The following ADK variants were observed in gnomAD, a reference collection of about 807,000 sequenced individuals.
ADK encodes the protein N6,N6-dimethyladenosine kinase.
Under a neutral mutation model 44.7 loss-of-function variants are expected in ADK, and 24 were observed. The observed-to-expected ratio is 0.54, with a 90% CI of 0.39 to 0.76. The LOEUF (loss-of-function observed/expected upper bound fraction) is 0.76. Ranked by LOEUF, ADK falls within the 30% of genes least tolerant of loss-of-function variation. The pLI, the probability that ADK is intolerant of heterozygous loss-of-function variation, is 0.00. For synonymous variants in ADK, 128 were observed against 142.6 expected, an observed-to-expected ratio of 0.90 and a Z score of 0.73; for missense variants, 321 against 425.1, an observed-to-expected ratio of 0.76 and a Z score of 2.15.
At chr10:74,152,292 T>G (rs929494235) in intron 1 of ADK, among the ~76,000 whole-genome samples, 5 of 152,178 alleles carry the variant, frequency 3.3e-5, no homozygotes, top group African/African-American at 1.2e-4. Context: ...GAATGGAGGG[T>G]GAACAAATCC....
intron 4 of ADK, chr10:74,344,415 T>A (rs373219751): frequency 6.4e-6 from 1 of 156,134 alleles, no homozygotes; most frequent in East Asian, 1.9e-4. Context: ...CACTGGTTTC[T>A]CCAGTGGTTT....
chr10:74,236,788 T>C (rs1844976765), intron 3 of ADK, among the ~76,000 whole-genome samples: 1 of 152,230 alleles, frequency 6.6e-6, no homozygotes. Context: ...CACACTGTAA[T>C]CTATTGTATA....
chr10:74,294,037 T>C (rs1839724837), intron 3 of ADK, among the ~76,000 whole-genome samples: 1 of 152,220 alleles, frequency 6.6e-6, no homozygotes, highest in South Asian at 2.1e-4. Context: ...TAGTGTGTAC[T>C]TTTTGTCTCT....
chr10:74,566,691 T>A (rs16931525), intron 7 of ADK, among the ~76,000 whole-genome samples: 5 of 152,230 alleles, frequency 3.3e-5, no homozygotes, highest in African/African-American at 1.2e-4. Context: ...CTAGTGATGA[T>A]TCACATTTTC....
At chr10:74,318,962 A>G (rs893220003) in intron 4 of ADK, among the ~76,000 whole-genome samples, 1 of 152,082 alleles carries the variant, frequency 6.6e-6, no homozygotes, top group Non-Finnish European at 1.5e-5. Flanking sequence ...GGCTTGATGC[A>G]TCAGAGGTAT....
chr10:74,459,347 T>A (rs569975152), intron 6 of ADK, among the ~76,000 whole-genome samples: 1 of 152,186 alleles, frequency 6.6e-6, no homozygotes, highest in Admixed American at 6.5e-5. Flanking sequence ...TTAACAGATT[T>A]CTTTAATGTG....
chr10:74,188,323 A>C (rs932632257), intron 1 of ADK, among the ~76,000 whole-genome samples: 1 of 108,012 alleles, frequency 9.3e-6, no homozygotes, highest in East Asian at 2.3e-4. Context: ...TTGAATTTCT[A>C]TTTTGGACAT....
In ADK at chr10:74,170,311, T is replaced by G. The variant is rs1299168698; in HGVS notation, c.65+18968T>G. Among the ~76,000 whole-genome samples the G allele has an allele frequency of 2.0e-5, 3 of 152,306 alleles. No individual in the cohort carries two copies. In the East Asian group the frequency reaches 5.8e-4, roughly 29 times the overall value. On this transcript the variant is annotated intron_variant, in intron 1 of 10. Transcript: ENST00000539909. The stretch of plus-strand genomic sequence containing the variant: ...TCATGAGGACACCTTATTTTTGTTA[T>G]TCCTGTCTTAAAGAATCTTTATACA...
chr10:74,692,969 A>G (rs1285415773), intron 10 of ADK, among the ~76,000 whole-genome samples: 1 of 152,202 alleles, frequency 6.6e-6, no homozygotes, highest in Non-Finnish European at 1.5e-5. Context: ...TAAAAAAGTC[A>G]GTAGCTACCA....
chr10:74,296,916 T>A (rs976520911), intron 3 of ADK, among the ~76,000 whole-genome samples: 2 of 152,056 alleles, frequency 1.3e-5, no homozygotes, highest in Admixed American at 1.3e-4. Flanking sequence ...GCCCGGCCCT[T>A]AAGTATTCTT....
intron 3 of ADK, among the ~76,000 whole-genome samples, chr10:74,287,104 T>A (rs1205307520): frequency 6.6e-6 from 1 of 152,186 alleles, no homozygotes; most frequent in East Asian, 1.9e-4. Context: ...TAATTTATCC[T>A]GAAGTTCAAG....
At chr10:74,230,162 A>G (rs965578490) in intron 3 of ADK, among the ~76,000 whole-genome samples, 2 of 147,032 alleles carry the variant, frequency 1.4e-5, no homozygotes, top group African/African-American at 5.2e-5. Flanking sequence ...ACCGACAGCA[A>G]GGTTAAATGC....
chr10:74,476,140 C>T (rs1846827891), intron 6 of ADK, among the ~76,000 whole-genome samples: 3 of 152,090 alleles, frequency 2.0e-5, no homozygotes, highest in Admixed American at 2.0e-4. Context: ...AGAAAGCTGG[C>T]TCTGATTATT....
intron 6 of ADK, among the ~76,000 whole-genome samples, chr10:74,510,372 CTGTT>C (rs2133514468): frequency 6.6e-6 from 1 of 152,154 alleles, no homozygotes; most frequent in African/African-American, 2.4e-5. Flanking sequence ...TGAGAAATGT[CTGTT>C]CAGATCATTT....
intron 3 of ADK, among the ~76,000 whole-genome samples, chr10:74,310,690 A>G (rs993225386): frequency 1.3e-5 from 2 of 152,168 alleles, no homozygotes; most frequent in Non-Finnish European, 2.9e-5. Context: ...AATAATTTCT[A>G]GTAGCCTTCA....
At chr10:74,286,598 TGAC>T (rs933230125) in intron 3 of ADK, among the ~76,000 whole-genome samples, 3 of 152,218 alleles carry the variant, frequency 2.0e-5, no homozygotes, top group Admixed American at 2.0e-4. Context: ...TCTCTAGTAT[TGAC>T]AACAAGCTGA....
At chr10:74,686,981 T>C (rs1855818580) in intron 10 of ADK, among the ~76,000 whole-genome samples, 1 of 152,190 alleles carries the variant, frequency 6.6e-6, no homozygotes, top group South Asian at 2.1e-4. Flanking sequence ...TGGCCGTTAC[T>C]TAACATCTCT....
At chr10:74,364,690 GTGT>G (rs1842444666) in intron 4 of ADK, among the ~76,000 whole-genome samples, 8 of 5,598 alleles carry the variant, frequency 1.4e-3, no homozygotes, top group African/African-American at 3.7e-3. Context: ...AGGCTATGGT[GTGT>G]GTGTGTGTGT....
At chr10:74,246,951 A>G (rs1278716034) in intron 3 of ADK, among the ~76,000 whole-genome samples, 2 of 151,966 alleles carry the variant, frequency 1.3e-5, no homozygotes, top group African/African-American at 4.8e-5. Flanking sequence ...AAAATAATAA[A>G]TATTTAAAAA....
Sources: allele counts gnomAD v4.1 joint callset (sites outside exome capture counted in the v4.1 genomes callset), GRCh38; gene constraint gnomAD v4.1.1; transcripts MANE v1.5; gene names NCBI Gene and HGNC (gene_info 2026-07-23, HGNC 2026-07-21).